Variants in AFAP1 observed in about 807,000 individuals in gnomAD.
The protein encoded by AFAP1 is actin filament associated protein 1.
AFAP1 carries 75 observed loss-of-function variants against 93.9 expected under a neutral mutation model. The observed-to-expected ratio is 0.80, with a 90% CI of 0.66 to 0.97. The LOEUF (loss-of-function observed/expected upper bound fraction) is 0.97, where lower values mean the gene tolerates loss of function less well. Ranked by LOEUF, AFAP1 falls within the 50% of genes least tolerant of loss-of-function variation. The probability of loss-of-function intolerance (pLI) is 0.00; values close to 1 mark genes in which losing one functional copy is unlikely to be tolerated. For missense variants in AFAP1, 1,201 were observed against 1,050.8 expected (o/e 1.14, Z -1.98); for synonymous variants, 517 against 430.7 (o/e 1.20, Z -2.48).
At chr4:7,822,001 G>C (rs919860871) in intron 6 of AFAP1, among the ~76,000 whole-genome samples, 7 of 152,194 alleles carry the variant, frequency 4.6e-5, no homozygotes, top group African/African-American at 1.7e-4. Context: ...TCAATGCAGT[G>C]ATCTGTGTGT....
chr4:7,882,948 G>A (rs903186628), intron 1 of AFAP1, among the ~76,000 whole-genome samples: 5 of 152,002 alleles, frequency 3.3e-5, no homozygotes, highest in African/African-American at 9.7e-5. Flanking sequence ...ACTCTGGGAG[G>A]CCTAGTCAGG....
At chr4:7,858,989 C>A (rs956023203) in intron 3 of AFAP1, among the ~76,000 whole-genome samples, 4 of 152,184 alleles carry the variant, frequency 2.6e-5, no homozygotes, top group Non-Finnish European at 5.9e-5. Context: ...TGAATGGCAG[C>A]CCCACACACC....
chr4:7,768,779 G>T, intron 17 of AFAP1, 65 bp downstream of exon 17: 1 of 1,476,522 alleles, frequency 6.8e-7, no homozygotes, highest in South Asian at 1.4e-5. Context: ...ACTCACACCC[G>T]AGAATGCTGG....
At chr4:7,938,598 C>T (rs1223886482) in intron 1 of AFAP1, among the ~76,000 whole-genome samples, 1 of 152,138 alleles carries the variant, frequency 6.6e-6, no homozygotes, top group Non-Finnish European at 1.5e-5. Context: ...TGACCTCTAA[C>T]TGTAACTGCC....
chr4:7,887,923 T>C (rs899475086), intron 1 of AFAP1, among the ~76,000 whole-genome samples: 4 of 151,836 alleles, frequency 2.6e-5, no homozygotes, highest in African/African-American at 9.7e-5. Flanking sequence ...GTCTCACAGG[T>C]TCAAGCGATA....
chr4:7,935,804 C>T (rs1365571257), intron 1 of AFAP1, among the ~76,000 whole-genome samples: 1 of 152,210 alleles, frequency 6.6e-6, no homozygotes, highest in Non-Finnish European at 1.5e-5. Flanking sequence ...GAAAAGAACT[C>T]TGAAATGCAG....
At chr4:7,873,584 G>A (rs1255711074) in intron 1 of AFAP1, among the ~76,000 whole-genome samples, 21 of 151,846 alleles carry the variant, frequency 1.4e-4, no homozygotes, top group Admixed American at 9.2e-4. Context: ...TCCTGACCTC[G>A]TGATCCACCC....
intron 4 of AFAP1, among the ~76,000 whole-genome samples, chr4:7,851,939 A>G (rs1009357213): frequency 6.6e-6 from 1 of 152,138 alleles, no homozygotes; most frequent in African/African-American, 2.4e-5. Context: ...TCCCCACACC[A>G]TTGCTTCTGA....
intron 1 of AFAP1, among the ~76,000 whole-genome samples, chr4:7,901,683 C>T (rs1422169558): frequency 1.3e-5 from 2 of 152,222 alleles, no homozygotes; most frequent in Non-Finnish European, 2.9e-5. Context: ...ATGCGCCTCC[C>T]TGTACACACA....
chr4:7,772,353 G>C (rs1401486131), intron 16 of AFAP1: 1 of 153,676 alleles, frequency 6.5e-6, no homozygotes, highest in African/African-American at 2.4e-5. Context: ...AGGAACCAGG[G>C]ACAGGGATGA....
intron 13 of AFAP1, chr4:7,779,127 G>C (rs977763649): frequency 1.4e-5 from 6 of 439,826 alleles, no homozygotes; most frequent in Non-Finnish European, 2.4e-5. Flanking sequence ...CTGCAGAAGT[G>C]GCCCCTTTCT....
chr4:7,868,543 T>C, intron 3 of AFAP1, 79 bp downstream of exon 3: 1 of 1,266,398 alleles, frequency 7.9e-7, no homozygotes, highest in Non-Finnish European at 1.1e-6. Context: ...ACACCGGGCT[T>C]CCATCACAGG....
At chr4:7,847,548 C>G (rs901865651) in intron 4 of AFAP1, among the ~76,000 whole-genome samples, 4 of 152,228 alleles carry the variant, frequency 2.6e-5, no homozygotes, top group African/African-American at 7.2e-5. Flanking sequence ...AGAAGAGACT[C>G]TTGCTCAGGA....
chr4:7,774,820 T>C lies in AFAP1; in HGVS notation c.1981A>G (p.Arg661Gly). The C allele has an allele frequency of 6.2e-7, 1 of 1,614,214 alleles. No homozygotes were observed. Among genetic ancestry groups the C allele is most frequent in the Non-Finnish European group, 8.5e-7 (1 of 1,180,046 alleles). The change falls in exon 15 of 18, where the codon AGG becomes GGG. Residue 661 changes from arginine (R) to glycine (G), a missense_variant. Transcript: ENST00000420658. ...LQTKEEELLK[R>G]KEALRNRLAQ... The stretch of plus-strand genomic sequence containing the variant: ...AGCCTATTCCGCAGGGCCTCTTTCC[T>C]CTTCAGCAGCTCCTCCTCTTTGGTC...
In AFAP1 at chr4:7,787,580, C is replaced by T. The variant is rs143012447; in HGVS notation, c.1413-1269G>A. On this transcript the variant is annotated intron_variant, in intron 11 of 17. Transcript: ENST00000420658. The stretch of plus-strand genomic sequence containing the variant: ...TGAGGGTTGAGTTCATGTATTAGGA[C>T]ACCCAGCTGGTGCCCACAGAAACCT... Among the ~76,000 whole-genome samples the T allele has an allele frequency of 1.6e-3, 244 of 152,288 alleles. 1 individual carries two copies. The highest frequency in any genetic ancestry group is 5.7e-3 in the African/African-American group (237 of 41,554).
At chr4:7,843,483 AAAAAACAAAAAC>A (rs981471944) in intron 4 of AFAP1, 133 bp from the exon 5 acceptor site, 4 of 843,426 alleles carry the variant, frequency 4.7e-6, no homozygotes, top group East Asian at 2.7e-5. Flanking sequence ...TCCTTAAGGG[AAAAAACAAAAAC>A]AAAAACAAAA....
At chr4:7,839,143 T>C (rs908601068) in intron 5 of AFAP1, among the ~76,000 whole-genome samples, 1 of 152,188 alleles carries the variant, frequency 6.6e-6, no homozygotes, top group Non-Finnish European at 1.5e-5. Flanking sequence ...AAGACCAGCC[T>C]GGGCAACATG....
intron 8 of AFAP1, among the ~76,000 whole-genome samples, chr4:7,812,966 C>T (rs1330090155): frequency 6.6e-6 from 1 of 152,140 alleles, no homozygotes; most frequent in Non-Finnish European, 1.5e-5. Flanking sequence ...AGGACCTTCT[C>T]AGCCCACACT....
Position 7,868,671 on chromosome 4 carries a change from A to AGGC in AFAP1, c.173_175dup (p.Ser58_Leu59insArg), listed in dbSNP as rs1394013338. On this transcript the variant is annotated inframe_insertion, in exon 3 of 18. Transcript: ENST00000420658. ...CAGGGGCATCTGAGGAGGGGCTGGC[A>AGGC]GGCTGTTAGCGGTCTCCTGCTTCTG... is the stretch of plus-strand genomic sequence containing the variant. 2 of 1,613,398 alleles carry AGGC rather than the reference A, an allele frequency of 1.2e-6. No individual in the cohort carries two copies. Among genetic ancestry groups the AGGC allele is most frequent in the African/African-American group, 2.7e-5 (2 of 74,912 alleles).
Sources: gnomAD v4.1 joint callset for allele counts (sites outside exome capture counted in the v4.1 genomes callset) on GRCh38, gnomAD v4.1.1 for gene constraint, MANE v1.5 for transcripts, NCBI Gene and HGNC (gene_info 2026-07-23, HGNC 2026-07-21) for gene names.